The following SPMAP2L variants were observed in gnomAD, a reference collection of about 807,000 sequenced individuals.
The protein encoded by SPMAP2L is sperm microtubule associated protein 2-like.
the SPMAP2L span, among the ~76,000 whole-genome samples, chr4:56,567,181 C>G: frequency 6.6e-6 from 1 of 152,154 alleles, no homozygotes; most frequent in Non-Finnish European, 1.5e-5. Context: ...CTTACCATTT[C>G]CCATACTCTG....
At chr4:56,585,310 AGC>A in the SPMAP2L span, among the ~76,000 whole-genome samples, 1 of 152,164 alleles carries the variant, frequency 6.6e-6, no homozygotes, top group East Asian at 1.9e-4. Flanking sequence ...AAGTCATAGA[AGC>A]TTTTTGGTTC....
the SPMAP2L span, among the ~76,000 whole-genome samples, chr4:56,566,862 A>G: frequency 6.6e-6 from 1 of 151,442 alleles, no homozygotes; most frequent in East Asian, 2.0e-4. Flanking sequence ...ACGTCCAGCT[A>G]ATTTTTGTAT....
the SPMAP2L span, among the ~76,000 whole-genome samples, chr4:56,576,487 G>A: frequency 0.11 from 17,221 of 152,130 alleles, 1,079 homozygotes; most frequent in East Asian, 0.21. Context: ...TTTCTGACTA[G>A]CTATTGGGTA....
chr4:56,594,675 G>T, the SPMAP2L span: 2 of 1,307,244 alleles, frequency 1.5e-6, no homozygotes, highest in Non-Finnish European at 2.2e-6. Flanking sequence ...GTGGATAAAT[G>T]TGGGAATATC....
At chr4:56,534,606 C>T in the SPMAP2L span, among the ~76,000 whole-genome samples, 2 of 152,092 alleles carry the variant, frequency 1.3e-5, no homozygotes, top group South Asian at 2.1e-4. Context: ...ATTTATCGTC[C>T]CCGCTTGAAT....
At chr4:56,559,459 A>G in the SPMAP2L span, 1 of 1,533,012 alleles carries the variant, frequency 6.5e-7, no homozygotes, top group Non-Finnish European at 8.7e-7. Context: ...GGCTCAGCTG[A>G]CCAAAAGACT....
the SPMAP2L span, among the ~76,000 whole-genome samples, chr4:56,601,603 A>T: frequency 6.6e-6 from 1 of 152,118 alleles, no homozygotes; most frequent in East Asian, 1.9e-4. Flanking sequence ...CTTCAAAAAA[A>T]TACCAAAAAT....
the SPMAP2L span, among the ~76,000 whole-genome samples, chr4:56,549,869 T>G: frequency 6.6e-6 from 1 of 152,210 alleles, no homozygotes. Context: ...TACCTCATTA[T>G]GTATGTACAG....
At chr4:56,530,798 A>G in the SPMAP2L span, 1 of 1,535,258 alleles carries the variant, frequency 6.5e-7, no homozygotes, top group Non-Finnish European at 8.7e-7. Context: ...AGGATTCTCG[A>G]CACTCACAGA....
At chr4:56,596,702 C>G in the SPMAP2L span, 1 of 1,381,670 alleles carries the variant, frequency 7.2e-7, no homozygotes, top group East Asian at 2.8e-5. Flanking sequence ...TTTGCCTCTA[C>G]AGGGCATAGC....
the SPMAP2L span, chr4:56,593,727 G>A: frequency 6.4e-7 from 1 of 1,572,364 alleles, no homozygotes; most frequent in Non-Finnish European, 8.8e-7. Flanking sequence ...GACGCCACTG[G>A]GAAAGAAGTG....
the SPMAP2L span, among the ~76,000 whole-genome samples, chr4:56,587,943 G>A: frequency 2.8e-4 from 42 of 152,286 alleles, no homozygotes; most frequent in East Asian, 2.7e-3. Context: ...CAGCAGTGTA[G>A]AAGTGTTCCC....
At chr4:56,584,445 G>C in the SPMAP2L span, 2 of 1,210,438 alleles carry the variant, frequency 1.7e-6, no homozygotes, top group South Asian at 2.6e-5. Flanking sequence ...AAATCCAGTT[G>C]TTGTTTCTCC....
chr4:56,556,303 T>C, the SPMAP2L span, among the ~76,000 whole-genome samples: 1 of 152,188 alleles, frequency 6.6e-6, no homozygotes, highest in African/African-American at 2.4e-5. Context: ...AAAACATAGA[T>C]GGACAGGACC....
At chr4:56,595,522 A>G in the SPMAP2L span, 12 of 1,510,730 alleles carry the variant, frequency 7.9e-6, no homozygotes, top group African/African-American at 1.4e-5. Flanking sequence ...GACCTGCGTT[A>G]TATCTTCCCA....
the SPMAP2L span, among the ~76,000 whole-genome samples, chr4:56,599,234 G>A: frequency 6.6e-6 from 1 of 151,970 alleles, no homozygotes; most frequent in Admixed American, 6.6e-5. Context: ...CCAGGCTGGA[G>A]AGCAGTGGTG....
At chr4:56,622,904 C>T in the SPMAP2L span, among the ~76,000 whole-genome samples, 3 of 152,216 alleles carry the variant, frequency 2.0e-5, no homozygotes, top group Middle Eastern at 3.4e-3. Context: ...AAAACAGTCT[C>T]GCACCTTTCT....
At chr4:56,619,250 G>A in the SPMAP2L span, among the ~76,000 whole-genome samples, 3 of 152,200 alleles carry the variant, frequency 2.0e-5, no homozygotes, top group Admixed American at 6.5e-5. Context: ...TTTTCAGACT[G>A]TGATTGACCT....
the SPMAP2L span, among the ~76,000 whole-genome samples, chr4:56,546,379 T>G: frequency 6.6e-6 from 1 of 152,214 alleles, no homozygotes; most frequent in Non-Finnish European, 1.5e-5. Flanking sequence ...AATGATATGA[T>G]AGCAGTTCCC....
Sources: gnomAD v4.1 joint callset for allele counts (sites outside exome capture counted in the v4.1 genomes callset) on GRCh38, gnomAD v4.1.1 for gene constraint, MANE v1.5 for transcripts, NCBI Gene and HGNC (gene_info 2026-07-23, HGNC 2026-07-21) for gene names.